HTR4: variants seen among roughly 807,000 people sequenced by gnomAD.
The protein encoded by HTR4 is 5-hydroxytryptamine receptor 4, also known as 5-hydroxytryptamine (serotonin) receptor 4, G protein-coupled.
HTR4 carries 16 observed loss-of-function variants against 36.8 expected under a neutral mutation model. That is an observed-to-expected ratio of 0.43 (90% CI 0.29 to 0.66). The LOEUF is 0.66. HTR4 is among the 30% of genes least tolerant of loss of function. The pLI, the probability that HTR4 is intolerant of heterozygous loss-of-function variation, is 0.13. For synonymous variants in HTR4, 189 were observed against 185.1 expected (o/e 1.02, Z -0.17); for missense variants, 438 against 490.9 (o/e 0.89, Z 1.02).
chr5:148,470,385 G>A (rs1457923575), intron 5 of HTR4, among the ~76,000 whole-genome samples: 1 of 152,188 alleles, frequency 6.6e-6, no homozygotes, highest in African/African-American at 2.4e-5. Context: ...CATACTGACG[G>A]TAAGAGGCCA....
chr5:148,544,257 T>TTCTTTCTCTCTCTCTCTCTTTCTC (rs1759260027), intron 4 of HTR4, among the ~76,000 whole-genome samples: 1 of 151,126 alleles, frequency 6.6e-6, no homozygotes. Context: ...CTCTCTCTCT[T>TTCTTTCTCTCTCTCTCTCTTTCTC]TCTTTCTCTC....
At chr5:148,594,731 G>C (rs1361871677) in intron 2 of HTR4, among the ~76,000 whole-genome samples, 1 of 152,090 alleles carries the variant, frequency 6.6e-6, no homozygotes, top group Admixed American at 6.5e-5. Context: ...GAAGCCCAGA[G>C]ACCCAATGAT....
intron 2 of HTR4, among the ~76,000 whole-genome samples, chr5:148,608,010 A>G (rs925737926): frequency 1.3e-5 from 2 of 152,184 alleles, no homozygotes; most frequent in South Asian, 2.1e-4. Context: ...GGAATGGTGC[A>G]GGAGCTTAGA....
intron 6 of HTR4, among the ~76,000 whole-genome samples, chr5:148,501,568 A>G (rs2113754389): frequency 6.6e-6 from 1 of 152,352 alleles, no homozygotes; most frequent in African/African-American, 2.4e-5. Flanking sequence ...TAATTCATCA[A>G]GAGTTTAAGT....
intron 2 of HTR4, among the ~76,000 whole-genome samples, chr5:148,579,712 C>T (rs1173220785): frequency 6.6e-6 from 1 of 151,924 alleles, no homozygotes; most frequent in Non-Finnish European, 1.5e-5. Context: ...GACTAAAGAC[C>T]CCATTCTCTT....
chr5:148,609,326 C>T (rs1752311376), intron 2 of HTR4, among the ~76,000 whole-genome samples: 1 of 152,186 alleles, frequency 6.6e-6, no homozygotes, highest in Non-Finnish European at 1.5e-5. Flanking sequence ...ATCTTCTCTT[C>T]CTTCAGTCAA....
intron 2 of HTR4, among the ~76,000 whole-genome samples, chr5:148,597,528 G>C (rs1157511041): frequency 1.3e-5 from 2 of 152,008 alleles, no homozygotes; most frequent in East Asian, 3.9e-4. Context: ...TCTTACCACT[G>C]TGCCCTTTAC....
intron 6 of HTR4, among the ~76,000 whole-genome samples, chr5:148,506,131 AG>A (rs1273107626): frequency 1.3e-5 from 2 of 152,200 alleles, no homozygotes; most frequent in Non-Finnish European, 1.5e-5. Flanking sequence ...CTATACTACA[AG>A]GCTACAGTCA....
At chr5:148,463,610 G>T (rs1561561221) in intron 5 of HTR4, among the ~76,000 whole-genome samples, 1 of 151,922 alleles carries the variant, frequency 6.6e-6, no homozygotes, top group Non-Finnish European at 1.5e-5. Context: ...CATGCTCATG[G>T]ATAGAAAGGC....
intron 4 of HTR4, among the ~76,000 whole-genome samples, chr5:148,536,352 A>G (rs1398649102): frequency 2.6e-5 from 4 of 152,148 alleles, no homozygotes; most frequent in African/African-American, 9.7e-5. Context: ...ACCAGCTAAC[A>G]ACACAATGAC....
intron 2 of HTR4, among the ~76,000 whole-genome samples, chr5:148,604,508 T>C (rs1752060802): frequency 6.6e-6 from 1 of 152,128 alleles, no homozygotes; most frequent in Admixed American, 6.5e-5. Context: ...ACTAACTCAA[T>C]GTACAGTAGA....
chr5:148,566,080 T>A (rs1046802685), intron 2 of HTR4, among the ~76,000 whole-genome samples: 4 of 152,332 alleles, frequency 2.6e-5, no homozygotes, highest in Admixed American at 6.5e-5. Context: ...ACCATGTTGT[T>A]CATAACTGGA....
At chr5:148,624,953 C>A (rs1002129876) in intron 2 of HTR4, among the ~76,000 whole-genome samples, 2 of 152,184 alleles carry the variant, frequency 1.3e-5, no homozygotes, top group African/African-American at 4.8e-5. Context: ...TGTTAAACCA[C>A]TAATTACAAA....
At chr5:148,645,813 A>C (rs1292809905) in intron 1 of HTR4, 1 of 152,142 alleles carries the variant, frequency 6.6e-6, no homozygotes, top group East Asian at 1.9e-4. Flanking sequence ...CTTCTTCACA[A>C]AGGCAGCTGT....
chr5:148,618,353 C>A (rs141398921), intron 2 of HTR4, among the ~76,000 whole-genome samples: 5 of 152,178 alleles, frequency 3.3e-5, no homozygotes, highest in African/African-American at 7.2e-5. Flanking sequence ...CTGTGTGTTC[C>A]ATCTACTCTT....
At chr5:148,636,061 G>T (rs1207478010) in intron 2 of HTR4, among the ~76,000 whole-genome samples, 2 of 152,102 alleles carry the variant, frequency 1.3e-5, no homozygotes, top group African/African-American at 4.8e-5. Flanking sequence ...CAGGGATTTT[G>T]CCAGGGATCA....
At chr5:148,498,138 T>A (rs1274838324) in intron 6 of HTR4, among the ~76,000 whole-genome samples, 3 of 152,202 alleles carry the variant, frequency 2.0e-5, no homozygotes, top group South Asian at 4.1e-4. Flanking sequence ...CATTTGCTTA[T>A]TTAATAATAA....
chr5:148,469,880 C>G (rs183326097), intron 5 of HTR4, among the ~76,000 whole-genome samples: 1 of 152,210 alleles, frequency 6.6e-6, no homozygotes, highest in African/African-American at 2.4e-5. Context: ...AAATCTCTGG[C>G]GCTAGTCCAC....
intron 2 of HTR4, among the ~76,000 whole-genome samples, chr5:148,623,333 G>C (rs965870439): frequency 6.6e-6 from 1 of 152,074 alleles, no homozygotes; most frequent in Non-Finnish European, 1.5e-5. Context: ...GAGGAAAACC[G>C]GTAGCCAAGG....
Sources: gnomAD v4.1 joint callset for allele counts (sites outside exome capture counted in the v4.1 genomes callset) on GRCh38, gnomAD v4.1.1 for gene constraint, MANE v1.5 for transcripts, NCBI Gene and HGNC (gene_info 2026-07-23, HGNC 2026-07-21) for gene names.